Variants in FRMD4B observed in about 807,000 individuals in gnomAD.
FRMD4B encodes FERM domain containing 4B.
A neutral mutation model predicts 141.5 loss-of-function variants in FRMD4B; 74 were observed. That is an observed-to-expected ratio of 0.52 (90% confidence interval 0.43 to 0.63). The LOEUF is 0.63. Ranked by LOEUF, FRMD4B falls within the 30% of genes least tolerant of loss-of-function variation. The pLI, the probability that FRMD4B is intolerant of heterozygous loss-of-function variation, is 0.00. For synonymous variants in FRMD4B, 506 were observed against 467.9 expected (o/e 1.08, Z -1.05); for missense variants, 1,366 against 1,253.4 (o/e 1.09, Z -1.36).
rs115026867 is a variant in FRMD4B at position 69,521,969 on chromosome 3, T to A, written c.-129+20237A>T. ...TTCATGTTACATAGCAGACATTCGA[T>A]GTTTCCTGAATGAATAAATCAATGA... On this transcript the variant is annotated intron_variant, in intron 1 of 5. Transcript: ENST00000459638. 7.6e-3 allele frequency among the ~76,000 whole-genome samples: 1,152 copies of A among 152,348 alleles called. 21 individuals are homozygous for A. The highest frequency in any genetic ancestry group is 0.027 in the African/African-American group (1,111 of 41,580).
intron 1 of FRMD4B, among the ~76,000 whole-genome samples, chr3:69,512,409 A>T (rs957759857): frequency 1.7e-4 from 26 of 152,262 alleles, no homozygotes; most frequent in Non-Finnish European, 2.5e-4. Context: ...CATATAGTAC[A>T]GGCTAAGCTA....
At chr3:69,360,187 C>G (rs981452472) in intron 1 of FRMD4B, among the ~76,000 whole-genome samples, 1 of 151,902 alleles carries the variant, frequency 6.6e-6, no homozygotes, top group Non-Finnish European at 1.5e-5. Flanking sequence ...AAGTCAAAGA[C>G]CAGTGTCATA....
At chr3:69,300,090 T>C (rs1701165547) in intron 4 of FRMD4B, among the ~76,000 whole-genome samples, 1 of 152,210 alleles carries the variant, frequency 6.6e-6, no homozygotes. Flanking sequence ...AATAGGAGGC[T>C]AGAGACCCTC....
intron 1 of FRMD4B, among the ~76,000 whole-genome samples, chr3:69,375,497 C>A (rs146523288): frequency 6.6e-5 from 10 of 151,828 alleles, no homozygotes; most frequent in Non-Finnish European, 1.3e-4. Context: ...AAAAATAGAG[C>A]TTTAGAGAAC....
intron 1 of FRMD4B, chr3:69,376,681 G>A (rs951319076): frequency 1.3e-5 from 2 of 150,704 alleles, no homozygotes; most frequent in Non-Finnish European, 2.9e-5. Context: ...ATGTATATCT[G>A]TTATGTATGT....
At position 69,448,025 on chromosome 3, in the gene FRMD4B, CT is replaced by C. The variant is rs370262419; in HGVS notation, c.-128-15265del. ...CTCTCATGGACATTCCAATACAAAT[CT>C]TTTTTTTTTTTTTCGTTTTTTCAGA... On this transcript the variant is annotated intron_variant, in intron 1 of 5. Coordinates refer to the FRMD4B transcript ENST00000459638. Among the ~76,000 whole-genome samples the C allele has an allele frequency of 7.0e-3, 975 of 138,782 alleles. 5 individuals are homozygous for C. The highest frequency in any genetic ancestry group is 0.013 in the African/African-American group (505 of 37,818). The allele number at this position is 138,782 out of a possible 152,430, so 91.0% of individuals were successfully genotyped here. A position where few individuals can be genotyped will look rare whatever the true frequency, so the allele number is the denominator to read the frequency against.
chr3:69,254,599 G>A (rs979004985), intron 5 of FRMD4B, among the ~76,000 whole-genome samples: 2 of 152,090 alleles, frequency 1.3e-5, no homozygotes, highest in African/African-American at 2.4e-5. Context: ...TCAGCTTCAT[G>A]AGCCTCCTGA....
intron 19 of FRMD4B, among the ~76,000 whole-genome samples, chr3:69,186,809 G>A (rs2092772910): frequency 6.6e-6 from 1 of 152,150 alleles, no homozygotes. Context: ...AAAGTGCTGG[G>A]ATTATAGGTG....
chr3:69,341,631 G>T (rs557472907), intron 1 of FRMD4B, among the ~76,000 whole-genome samples: 1 of 152,314 alleles, frequency 6.6e-6, no homozygotes, highest in East Asian at 1.9e-4. Context: ...CTTGGGCATT[G>T]CTATGGTTTG....
At chr3:69,247,430 G>C (rs1285208650) in intron 7 of FRMD4B, among the ~76,000 whole-genome samples, 1 of 152,164 alleles carries the variant, frequency 6.6e-6, no homozygotes, top group Non-Finnish European at 1.5e-5. Context: ...ATAAATGACT[G>C]TGTTCCTTGC....
chr3:69,225,402 A>G (rs1331943001), intron 7 of FRMD4B, among the ~76,000 whole-genome samples: 1 of 151,962 alleles, frequency 6.6e-6, no homozygotes, highest in East Asian at 1.9e-4. Flanking sequence ...CAGGCCGGAC[A>G]CAGTGGCTTA....
intron 1 of FRMD4B, among the ~76,000 whole-genome samples, chr3:69,372,101 C>T (rs1028204476): frequency 2.6e-5 from 4 of 152,200 alleles, no homozygotes; most frequent in Non-Finnish European, 5.9e-5. Flanking sequence ...TCTTTCCTGC[C>T]TCAGTGTCTT....
chr3:69,206,447 G>C (rs1439350803), intron 11 of FRMD4B, among the ~76,000 whole-genome samples: 1 of 152,160 alleles, frequency 6.6e-6, no homozygotes, highest in Non-Finnish European at 1.5e-5. Flanking sequence ...GAAGTTCTGG[G>C]TATTGGGAAA....
chr3:69,351,975 T>G (rs1485832276), intron 1 of FRMD4B, among the ~76,000 whole-genome samples: 1 of 152,172 alleles, frequency 6.6e-6, no homozygotes, highest in Non-Finnish European at 1.5e-5. Flanking sequence ...TCTCCATGGG[T>G]GAGACATAGT....
At chr3:69,538,781 C>A (rs1469616472) in intron 1 of FRMD4B, among the ~76,000 whole-genome samples, 1 of 152,124 alleles carries the variant, frequency 6.6e-6, no homozygotes, top group Non-Finnish European at 1.5e-5. Context: ...TGTTATCTTA[C>A]CACTTCTCTC....
intron 1 of FRMD4B, among the ~76,000 whole-genome samples, chr3:69,468,220 C>T (rs946808651): frequency 2.7e-5 from 3 of 110,072 alleles, no homozygotes; most frequent in African/African-American, 4.5e-5. Context: ...AAAAGTATCA[C>T]GGATCCTCAT....
intron 1 of FRMD4B, among the ~76,000 whole-genome samples, chr3:69,516,280 T>C (rs1016682663): frequency 6.6e-6 from 1 of 152,140 alleles, no homozygotes; most frequent in Admixed American, 6.6e-5. Context: ...ACTGCAGATA[T>C]ATCATTTACA....
At position 69,181,578 on chromosome 3, in the gene FRMD4B, T is replaced by C; in HGVS notation, c.2172A>G (p.Glu724=). 6.2e-7 allele frequency: 1 copy of C among 1,613,910 alleles called. No homozygotes were observed. The highest frequency in any genetic ancestry group is 1.1e-5 in the South Asian group (1 of 91,068). ...TATAAGAAGACCCGTCATCGAGGAT[T>C]TCTGTGCTGCTGCTTCTTTGGGATT... ...LSKSQRSSST[E]ILDDGSSYTS... is the part of the protein sequence containing the mutation. The change falls in exon 21 of 23, where the codon GAA becomes GAG. Residue 724 remains glutamate (E), a synonymous_variant. Coordinates refer to ENST00000398540, the MANE Select transcript of FRMD4B (RefSeq NM_015123.3).
At chr3:69,359,315 G>A (rs1703409176) in intron 1 of FRMD4B, among the ~76,000 whole-genome samples, 1 of 152,212 alleles carries the variant, frequency 6.6e-6, no homozygotes, top group African/African-American at 2.4e-5. Context: ...CCACAGGTTA[G>A]TTGGTTTCAG....
Sources: gnomAD v4.1 joint callset for allele counts (sites outside exome capture counted in the v4.1 genomes callset) on GRCh38, gnomAD v4.1.1 for gene constraint, MANE v1.5 for transcripts, NCBI Gene and HGNC (gene_info 2026-07-23, HGNC 2026-07-21) for gene names.